PHACTR3: variants seen among roughly 807,000 people sequenced by gnomAD.
PHACTR3 encodes phosphatase and actin regulator 3, also known as protein phosphatase 1, regulatory subunit 123.
A neutral mutation model predicts 66.8 loss-of-function variants in PHACTR3; 16 were observed. That is an observed-to-expected ratio of 0.24 (90% CI 0.16 to 0.36). The LOEUF (loss-of-function observed/expected upper bound fraction) is 0.36, where lower values mean the gene tolerates loss of function less well. Among genes scored for constraint, PHACTR3 ranks in the 10% least tolerant of loss-of-function variants. PHACTR3 has a pLI of 1.00. For synonymous variants in PHACTR3, 323 were observed against 292.1 expected, an observed-to-expected ratio of 1.11 and a Z score of -1.08; for missense variants, 647 against 719.9, an observed-to-expected ratio of 0.90 and a Z score of 1.16.
chr20:59,667,670 C>G (rs923972060), intron 1 of PHACTR3, among the ~76,000 whole-genome samples: 1 of 152,210 alleles, frequency 6.6e-6, no homozygotes, highest in Non-Finnish European at 1.5e-5. Context: ...TCCTTCCAGG[C>G]CAGCCTGCCT....
intron 1 of PHACTR3, among the ~76,000 whole-genome samples, chr20:59,648,113 T>C (rs1312121216): frequency 6.6e-6 from 1 of 152,250 alleles, no homozygotes; most frequent in Non-Finnish European, 1.5e-5. Flanking sequence ...AAGGTATTTA[T>C]TGACTGACAC....
intron 1 of PHACTR3, among the ~76,000 whole-genome samples, chr20:59,581,915 G>A (rs1312488462): frequency 6.6e-6 from 1 of 151,474 alleles, no homozygotes; most frequent in East Asian, 1.9e-4. Flanking sequence ...CTGTAGTTGG[G>A]ACTCCATAAA....
intron 7 of PHACTR3, among the ~76,000 whole-genome samples, chr20:59,800,239 A>G (rs965665764): frequency 1.3e-5 from 2 of 152,240 alleles, no homozygotes; most frequent in Admixed American, 6.5e-5. Context: ...TGTGGTTACC[A>G]TTTCTATTAC....
intron 1 of PHACTR3, among the ~76,000 whole-genome samples, chr20:59,662,575 A>T (rs763654472): frequency 1.3e-5 from 2 of 152,158 alleles, no homozygotes; most frequent in Non-Finnish European, 2.9e-5. Context: ...GTGGCTTTGT[A>T]GCTTTGTGAA....
chr20:59,684,679 C>T (rs781506475), intron 1 of PHACTR3, among the ~76,000 whole-genome samples: 21 of 152,176 alleles, frequency 1.4e-4, no homozygotes, highest in South Asian at 2.1e-4. Context: ...CAACCTCACC[C>T]GCAGGAATCC....
intron 1 of PHACTR3, among the ~76,000 whole-genome samples, chr20:59,661,596 G>A (rs1297200129): frequency 2.6e-5 from 4 of 152,196 alleles, no homozygotes; most frequent in Non-Finnish European, 5.9e-5. Context: ...GGCACAATGT[G>A]TACCAGCAAA....
At chr20:59,614,550 C>T (rs974146747) in intron 1 of PHACTR3, among the ~76,000 whole-genome samples, 4 of 152,162 alleles carry the variant, frequency 2.6e-5, no homozygotes, top group Non-Finnish European at 5.9e-5. Context: ...TTGGCAGCCA[C>T]GAAATGGATC....
intron 1 of PHACTR3, among the ~76,000 whole-genome samples, chr20:59,709,690 T>C (rs1339728064): frequency 6.6e-6 from 1 of 152,140 alleles, no homozygotes; most frequent in Non-Finnish European, 1.5e-5. Context: ...GTCCTTAGTA[T>C]GTTTTAGGAA....
chr20:59,728,498 G>A (rs545029357), intron 1 of PHACTR3, among the ~76,000 whole-genome samples: 1 of 152,208 alleles, frequency 6.6e-6, no homozygotes, highest in East Asian at 1.9e-4. Context: ...GCCAGTATGT[G>A]GAGACAACCT....
intron 1 of PHACTR3, among the ~76,000 whole-genome samples, chr20:59,609,674 G>A (rs1032322184): frequency 1.3e-5 from 2 of 152,168 alleles, no homozygotes; most frequent in South Asian, 2.1e-4. Flanking sequence ...GGGAGAGGGC[G>A]GAGGCAAGAG....
At chr20:59,714,915 A>C (rs986869724) in intron 1 of PHACTR3, among the ~76,000 whole-genome samples, 1 of 152,146 alleles carries the variant, frequency 6.6e-6, no homozygotes, top group Non-Finnish European at 1.5e-5. Flanking sequence ...ATTCTGGAGT[A>C]TTTTATGCTG....
At chr20:59,660,988 T>C (rs768332229) in intron 1 of PHACTR3, among the ~76,000 whole-genome samples, 22 of 152,248 alleles carry the variant, frequency 1.4e-4, no homozygotes, top group Non-Finnish European at 3.2e-4. Flanking sequence ...GAAGAGAATG[T>C]GGCAGCCTGA....
At chr20:59,614,611 G>T (rs1339041809) in intron 1 of PHACTR3, among the ~76,000 whole-genome samples, 1 of 152,158 alleles carries the variant, frequency 6.6e-6, no homozygotes, top group Non-Finnish European at 1.5e-5. Flanking sequence ...TAAGAAGTGT[G>T]TTTATTATAC....
chr20:59,617,502 TG>T (rs1248789859), intron 1 of PHACTR3, among the ~76,000 whole-genome samples: 4 of 152,160 alleles, frequency 2.6e-5, no homozygotes, highest in African/African-American at 9.7e-5. Context: ...AGGATATTAG[TG>T]TAGAGCAGCT....
intron 1 of PHACTR3, among the ~76,000 whole-genome samples, chr20:59,662,372 T>TG (rs1388521793): frequency 6.6e-6 from 1 of 151,390 alleles, no homozygotes; most frequent in Non-Finnish European, 1.5e-5. Flanking sequence ...AGACCTGCAG[T>TG]GGGGGAGCAT....
chr20:59,772,262 C>T (rs1002846560), intron 5 of PHACTR3, among the ~76,000 whole-genome samples: 2 of 152,202 alleles, frequency 1.3e-5, no homozygotes, highest in African/African-American at 2.4e-5. Flanking sequence ...GTGTCCCACT[C>T]ATTTAGACTT....
chr20:59,583,926 C>T (rs575337673), intron 1 of PHACTR3, among the ~76,000 whole-genome samples: 5 of 152,372 alleles, frequency 3.3e-5, no homozygotes, highest in African/African-American at 7.2e-5. Context: ...GGACGGTTCA[C>T]GCGTGGACAT....
intron 8 of PHACTR3, among the ~76,000 whole-genome samples, chr20:59,814,714 AG>A (rs1274062784): frequency 6.6e-6 from 1 of 152,094 alleles, no homozygotes; most frequent in Non-Finnish European, 1.5e-5. Flanking sequence ...ACTGACCGCC[AG>A]GAACCACAAC....
chr20:59,786,096 C>A (rs2146940690), intron 7 of PHACTR3, among the ~76,000 whole-genome samples: 1 of 152,378 alleles, frequency 6.6e-6, no homozygotes, highest in Non-Finnish European at 1.5e-5. Context: ...GTTTTGCCAG[C>A]TCCCTCCTCA....
Sources: gnomAD v4.1 joint callset for allele counts (sites outside exome capture counted in the v4.1 genomes callset) on GRCh38, gnomAD v4.1.1 for gene constraint, MANE v1.5 for transcripts, NCBI Gene and HGNC (gene_info 2026-07-23, HGNC 2026-07-21) for gene names.